FBXO22: variants seen among roughly 807,000 people sequenced by gnomAD.
The protein encoded by FBXO22 is F-box protein 22, also known as F-box only protein 22.
In FBXO22, 13 loss-of-function variants were observed where a neutral mutation model predicts 37.2. The observed-to-expected ratio is 0.35, with a 90% CI of 0.23 to 0.56. FBXO22 has a LOEUF of 0.56. Among genes scored for constraint, FBXO22 ranks in the 20% least tolerant of loss-of-function variants. The pLI, the probability that FBXO22 is intolerant of heterozygous loss-of-function variation, is 0.87. For synonymous variants in FBXO22, 189 were observed against 189.1 expected (o/e 1.00, Z 0.00); for missense variants, 446 against 509.9 (o/e 0.87, Z 1.21).
At chr15:75,915,467 A>G (rs10468062) in intron 4 of FBXO22, among the ~76,000 whole-genome samples, 142,928 of 152,220 alleles carry the variant, frequency 0.94, 67,408 homozygotes, top group East Asian at 1. Context: ...TTTAAAAAAA[A>G]GAGTTTATTT....
intron 2 of FBXO22, among the ~76,000 whole-genome samples, chr15:75,907,955 A>AT (rs1196284978): frequency 6.6e-6 from 1 of 151,764 alleles, no homozygotes; most frequent in Non-Finnish European, 1.5e-5. Flanking sequence ...AAAAAAAAAA[A>AT]TTTTTTTAAA....
chr15:75,909,640 G>A (rs1344275654), intron 2 of FBXO22, among the ~76,000 whole-genome samples: 7 of 152,076 alleles, frequency 4.6e-5, no homozygotes, highest in Non-Finnish European at 1.0e-4. Flanking sequence ...CTGGAATGAA[G>A]AAATTATAGG....
At chr15:75,931,950 A>C (rs1482987377) in intron 6 of FBXO22, among the ~76,000 whole-genome samples, 2 of 152,248 alleles carry the variant, frequency 1.3e-5, no homozygotes, top group African/African-American at 4.8e-5. Context: ...GCAGTGGCTC[A>C]TGCCTGTAAT....
rs574911306 is a variant in FBXO22, at chr15:75,933,170, C to A, written c.*68C>A. 4 of 1,343,758 alleles carry A rather than the reference C, an allele frequency of 3.0e-6. No individual in the cohort carries two copies. In the African/African-American group the frequency reaches 5.9e-5, roughly 20 times the overall value. 83.2% of individuals were successfully genotyped at this position (1,343,758 alleles called of 1,614,324 possible). A position where few individuals can be genotyped will look rare whatever the true frequency, so the allele number is the denominator to read the frequency against. The stretch of plus-strand genomic sequence containing the variant: ...CTTTTTCAGAAAATGGAAACTTGGG[C>A]CATGTGTATTTCAAACAAAAATAAC... On this transcript the variant is annotated 3_prime_UTR_variant, in exon 7 of 7. Transcript: ENST00000308275.
At position 75,941,558 on chromosome 15, in the gene FBXO22, G is replaced by T. The variant is rs570048076; in HGVS notation, c.*8456G>T. On this transcript the variant is annotated 3_prime_UTR_variant, in exon 7 of 7. Transcript: ENST00000308275. ...ACAGATGAATGGATAGACAAAATGT[G>T]TTATATCCATACAATGGAATATTAT... 3.3e-5 allele frequency: 5 copies of T among 152,254 alleles called. No homozygotes were observed. Among genetic ancestry groups the T allele is most frequent in the African/African-American group, 1.2e-4 (5 of 41,556 alleles). The allele number at this position is 152,254 out of a possible 1,614,324, so 9.4% of individuals were successfully genotyped here.
rs555440806 is a variant in FBXO22 at position 75,934,963 on chromosome 15, A to G, written c.*1861A>G. On this transcript the variant is annotated 3_prime_UTR_variant, in exon 7 of 7. Transcript: ENST00000308275. The stretch of plus-strand genomic sequence containing the variant: ...AGAGTCTGATACAGGGTAATTTCAT[A>G]CAATATTTGATGTTGTTAAAGCATT... 2.0e-5 allele frequency: 3 copies of G among 152,348 alleles called. No individual in the cohort carries two copies. The highest frequency in any genetic ancestry group is 2.1e-4 in the South Asian group (1 of 4,832). 9.4% of individuals were successfully genotyped at this position (152,348 alleles called of 1,614,324 possible). A position where few individuals can be genotyped will look rare whatever the true frequency, so the allele number is the denominator to read the frequency against.
intron 5 of FBXO22, among the ~76,000 whole-genome samples, chr15:75,928,942 G>A (rs1017093225): frequency 1.3e-5 from 2 of 152,166 alleles, no homozygotes; most frequent in South Asian, 2.1e-4. Context: ...ACCTGCTTCC[G>A]TGGAGGAGGT....
intron 4 of FBXO22, among the ~76,000 whole-genome samples, chr15:75,915,780 A>G (rs2141710961): frequency 6.6e-6 from 1 of 152,052 alleles, no homozygotes; most frequent in African/African-American, 2.4e-5. Context: ...GGCACCTGTA[A>G]TCCCAGCTGC....
intron 2 of FBXO22, chr15:75,905,443 A>T (rs1396595423): frequency 2.0e-5 from 3 of 152,282 alleles, no homozygotes. Context: ...GAAGGGAACC[A>T]TTTGACAGTA....
chr15:75,917,407 T>C lies in FBXO22; in HGVS notation c.628+13T>C, dbSNP rs1900215418. On this transcript the variant is annotated intron_variant, in intron 5 of 6. Coordinates refer to ENST00000308275, the MANE Select transcript of FBXO22 (RefSeq NM_147188.3). ...CTCACTGAAGTAGGTAAGTTACTTT[T>C]ATTTATCATTAACTGCTCATTTTAT... 1 of 1,535,808 alleles carries C rather than the reference T, an allele frequency of 6.5e-7. No individual in the cohort carries two copies.
Position 75,917,404 on chromosome 15 carries a change from T to G in FBXO22, c.628+10T>G, listed in dbSNP as rs771411227. The G allele has an allele frequency of 7.8e-6, 12 of 1,546,304 alleles. No homozygotes were observed. The Admixed American group carries it at 2.4e-4, about 30-fold the overall frequency. On this transcript the variant is annotated intron_variant, in intron 5 of 6. Transcript: ENST00000308275. Reference sequence around the variant, plus strand: ...CAACTCACTGAAGTAGGTAAGTTACTTTTATTTATCATTAACTGCTCATTT... The same window carrying G: ...CAACTCACTGAAGTAGGTAAGTTACGTTTATTTATCATTAACTGCTCATTT...
At position 75,917,353 on chromosome 15, in the gene FBXO22, C is replaced by G; in HGVS notation, c.587C>G (p.Pro196Arg). The G allele has an allele frequency of 6.2e-7, 1 of 1,604,462 alleles. No homozygotes were observed. The highest frequency in any genetic ancestry group is 8.5e-7 in the Non-Finnish European group (1 of 1,172,660). ...CAACCCTTTCATTTTATTAAGGATC[C>G]AAAGAATTTAACATTAGAAAGACAT... The part of the protein sequence containing the change: ...KIQPFHFIKD[P>R]KNLTLERHQL... The change falls in exon 5 of 7, where the codon CCA (proline) becomes CGA (arginine). Residue 196 changes from proline (P) to arginine (R), a missense_variant. Pro to Arg is a moderately radical substitution (Grantham distance 103, BLOSUM62 -2). Transcript: ENST00000308275.
In FBXO22 at chr15:75,932,869, G is replaced by A. The variant is rs748391485; in HGVS notation, c.979G>A (p.Val327Ile). The change falls in exon 7 of 7, where the codon GTT (valine) becomes ATT (isoleucine). Residue 327 changes from valine (V) to isoleucine (I), a missense_variant. Physicochemically the swap from Val to Ile is conservative, Grantham distance 29. Transcript: ENST00000308275. The part of the protein sequence containing the change: ...HNTIGFMFAC[V>I]GRGFQYYRAK... ...CACCATTGGCTTCATGTTTGCATGC[G>A]TTGGCAGGGGCTTTCAGTATTACAG... is the stretch of plus-strand genomic sequence containing the variant. The A allele has an allele frequency of 1.9e-5, 31 of 1,614,252 alleles. No homozygotes were observed. Among genetic ancestry groups the A allele is most frequent in the Admixed American group, 3.3e-5 (2 of 60,030 alleles).
chr15:75,942,157 G>A lies in FBXO22; in HGVS notation c.*9055G>A, dbSNP rs2031053262. ...AGACTGGTTGCCAGAGGTTCAGTGGGAGAGAGGGAGGGGTAAATACATGGA... is the reference window on the plus strand; with the variant it reads ...AGACTGGTTGCCAGAGGTTCAGTGGAAGAGAGGGAGGGGTAAATACATGGA... On this transcript the variant is annotated 3_prime_UTR_variant, in exon 7 of 7. Transcript: ENST00000308275. 1 of 152,120 alleles carries A rather than the reference G, an allele frequency of 6.6e-6. No homozygotes were observed. Among genetic ancestry groups the A allele is most frequent in the African/African-American group, 2.4e-5 (1 of 41,510 alleles). The allele number at this position is 152,120 out of a possible 1,614,324, so 9.4% of individuals were successfully genotyped here.
intron 1 of FBXO22, 188 bp from the exon 2 acceptor site, chr15:75,904,303 C>G: frequency 9.2e-7 from 1 of 1,088,548 alleles, no homozygotes; most frequent in Non-Finnish European, 1.3e-6. Context: ...GGGCGAAGTT[C>G]CCCTTAAGGT....
intron 2 of FBXO22, among the ~76,000 whole-genome samples, chr15:75,906,758 C>A (rs1899938427): frequency 6.6e-6 from 1 of 152,106 alleles, no homozygotes. Context: ...CTCAACTCTT[C>A]CCATTTTCCC....
At chr15:75,912,189 G>T (rs1313022258) in intron 2 of FBXO22, among the ~76,000 whole-genome samples, 25 of 151,828 alleles carry the variant, frequency 1.6e-4, no homozygotes. Context: ...TTTTATTGAG[G>T]ATTTTCATAT....
chr15:75,924,167 A>G (rs1056082886), intron 5 of FBXO22, among the ~76,000 whole-genome samples: 1 of 152,128 alleles, frequency 6.6e-6, no homozygotes, highest in Non-Finnish European at 1.5e-5. Context: ...TAATTTGGGA[A>G]TCATCAGGTA....
chr15:75,919,990 C>T (rs1900283470), intron 5 of FBXO22, among the ~76,000 whole-genome samples: 1 of 152,124 alleles, frequency 6.6e-6, no homozygotes, highest in Admixed American at 6.5e-5. Flanking sequence ...AGTTAAGGCT[C>T]TTAGGGTATG....
Sources: gnomAD v4.1 joint callset for allele counts (sites outside exome capture counted in the v4.1 genomes callset) on GRCh38, gnomAD v4.1.1 for gene constraint, MANE v1.5 for transcripts, NCBI Gene and HGNC (gene_info 2026-07-23, HGNC 2026-07-21) for gene names.